Variants in ERBB4 observed in about 807,000 individuals in gnomAD.
ERBB4 encodes the protein receptor tyrosine-protein kinase erbB-4.
A neutral mutation model predicts 158.0 loss-of-function variants in ERBB4; 42 were observed. The ratio of observed to expected loss-of-function variants is 0.27; its 90% CI spans 0.21 to 0.34. ERBB4 has a LOEUF of 0.34. ERBB4 is among the 10% of genes least tolerant of loss of function. The pLI is 1.00. For synonymous variants in ERBB4, 583 were observed against 558.7 expected, an observed-to-expected ratio of 1.04 and a Z score of -0.61; for missense variants, 1,333 against 1,624.1, an observed-to-expected ratio of 0.82 and a Z score of 3.08.
At chr2:212,317,999 T>C (rs2087372910) in intron 1 of ERBB4, among the ~76,000 whole-genome samples, 1 of 151,654 alleles carries the variant, frequency 6.6e-6, no homozygotes, top group Non-Finnish European at 1.5e-5. Flanking sequence ...CTTAAGTTAA[T>C]TAAAATAAAG....
intron 1 of ERBB4, among the ~76,000 whole-genome samples, chr2:212,369,649 G>A (rs1417953763): frequency 6.6e-6 from 1 of 151,730 alleles, no homozygotes; most frequent in African/African-American, 2.4e-5. Flanking sequence ...ATTTAACCTT[G>A]CTCTCTAGCA....
chr2:212,114,158 T>C (rs1466658159), intron 2 of ERBB4, among the ~76,000 whole-genome samples: 5 of 152,224 alleles, frequency 3.3e-5, no homozygotes, highest in Admixed American at 3.3e-4. Context: ...CTTAAATAAT[T>C]GTCATAGTAG....
At chr2:211,468,366 G>C (rs55654205) in intron 20 of ERBB4, among the ~76,000 whole-genome samples, 2,671 of 152,214 alleles carry the variant, frequency 0.018, 42 homozygotes, top group Middle Eastern at 0.048. Context: ...TTATGAAAGG[G>C]AAATAGCACA....
intron 1 of ERBB4, among the ~76,000 whole-genome samples, chr2:212,299,485 C>T (rs1161633622): frequency 2.0e-5 from 3 of 151,612 alleles, no homozygotes; most frequent in Admixed American, 6.6e-5. Context: ...TCATTAAATG[C>T]ATGTATTTCT....
intron 1 of ERBB4, among the ~76,000 whole-genome samples, chr2:212,198,049 A>G (rs1338326494): frequency 6.6e-6 from 1 of 152,178 alleles, no homozygotes; most frequent in African/African-American, 2.4e-5. Context: ...GTGATACATA[A>G]TATGCCGTAA....
intron 15 of ERBB4, among the ~76,000 whole-genome samples, chr2:211,659,142 T>G: frequency 6.6e-6 from 1 of 151,996 alleles, no homozygotes; most frequent in Middle Eastern, 3.4e-3. Flanking sequence ...TAAACATTGG[T>G]GAACTAATAT....
chr2:211,554,355 C>T (rs1207412004), intron 20 of ERBB4, among the ~76,000 whole-genome samples: 4 of 152,188 alleles, frequency 2.6e-5, no homozygotes, highest in South Asian at 2.1e-4. Flanking sequence ...ACACAATGTA[C>T]GTAAAGCACC....
intron 1 of ERBB4, among the ~76,000 whole-genome samples, chr2:212,416,385 G>A (rs2091652559): frequency 6.6e-6 from 1 of 151,978 alleles, no homozygotes; most frequent in African/African-American, 2.4e-5. Flanking sequence ...GAGAGTTCTG[G>A]CTCACACCCA....
At chr2:211,819,394 G>A (rs1249411679) in intron 3 of ERBB4, among the ~76,000 whole-genome samples, 1 of 151,848 alleles carries the variant, frequency 6.6e-6, no homozygotes, top group Non-Finnish European at 1.5e-5. Context: ...AAGTACAAAG[G>A]GAGAACTAAC....
intron 1 of ERBB4, among the ~76,000 whole-genome samples, chr2:212,475,397 C>G (rs985861141): frequency 2.6e-5 from 4 of 152,174 alleles, no homozygotes; most frequent in Non-Finnish European, 4.4e-5. Context: ...GTGTTAGCCT[C>G]TAATCATGCC....
At chr2:211,967,734 T>C (rs1336643128) in intron 2 of ERBB4, among the ~76,000 whole-genome samples, 1 of 152,020 alleles carries the variant, frequency 6.6e-6, no homozygotes, top group Non-Finnish European at 1.5e-5. Context: ...GGAACCTAAG[T>C]TGGCATAATC....
chr2:212,016,113 G>A (rs933040041), intron 2 of ERBB4, among the ~76,000 whole-genome samples: 1 of 149,508 alleles, frequency 6.7e-6, no homozygotes, highest in African/African-American at 2.5e-5. Flanking sequence ...TTGTTAAACA[G>A]TTCTTTCCTT....
chr2:211,512,059 T>C (rs530549782), intron 20 of ERBB4, among the ~76,000 whole-genome samples: 42 of 152,282 alleles, frequency 2.8e-4, no homozygotes, highest in African/African-American at 9.4e-4. Flanking sequence ...TTTAAAGACA[T>C]TATTTTTATG....
At chr2:211,769,448 A>G (rs538160457) in intron 4 of ERBB4, among the ~76,000 whole-genome samples, 2 of 152,322 alleles carry the variant, frequency 1.3e-5, no homozygotes, top group East Asian at 3.9e-4. Flanking sequence ...TCCTGCTATC[A>G]AAATCTGTTA....
chr2:211,667,883 T>C (rs1355640571), intron 14 of ERBB4, among the ~76,000 whole-genome samples: 1 of 152,226 alleles, frequency 6.6e-6, no homozygotes, highest in African/African-American at 2.4e-5. Flanking sequence ...AACTTTTTGT[T>C]CTTTGTTTTT....
intron 19 of ERBB4, among the ~76,000 whole-genome samples, chr2:211,604,326 C>T (rs903208802): frequency 7.9e-5 from 12 of 152,132 alleles, no homozygotes; most frequent in African/African-American, 1.4e-4. Flanking sequence ...TTTCTTTAAA[C>T]AGTGAAACTG....
At chr2:211,740,892 G>C (rs1335132759) in intron 5 of ERBB4, among the ~76,000 whole-genome samples, 1 of 152,094 alleles carries the variant, frequency 6.6e-6, no homozygotes, top group African/African-American at 2.4e-5. Flanking sequence ...TTACAGGCGT[G>C]AGCCACTGCG....
At chr2:211,998,123 T>A (rs1402331303) in intron 2 of ERBB4, among the ~76,000 whole-genome samples, 1 of 151,952 alleles carries the variant, frequency 6.6e-6, no homozygotes, top group Non-Finnish European at 1.5e-5. Context: ...ACATGGCACA[T>A]GTATACATAT....
At chr2:212,492,585 C>T (rs1448047539) in intron 1 of ERBB4, among the ~76,000 whole-genome samples, 3 of 151,104 alleles carry the variant, frequency 2.0e-5, no homozygotes, top group African/African-American at 7.3e-5. Flanking sequence ...AATGATAAAT[C>T]ATAAGCAAAA....
Sources: allele counts gnomAD v4.1 joint callset (sites outside exome capture counted in the v4.1 genomes callset), GRCh38; gene constraint gnomAD v4.1.1; transcripts MANE v1.5; gene names NCBI Gene and HGNC (gene_info 2026-07-23, HGNC 2026-07-21).